The following RC3H1 variants were observed in gnomAD, a reference collection of about 807,000 sequenced individuals.
RC3H1 encodes the protein roquin-1.
Under a neutral mutation model 138.2 loss-of-function variants are expected in RC3H1, and 50 were observed. The observed-to-expected ratio is 0.36, with a 90% CI of 0.29 to 0.46. The LOEUF (loss-of-function observed/expected upper bound fraction) is 0.46, where lower values mean the gene tolerates loss of function less well. Ranked by LOEUF, RC3H1 falls within the 20% of genes least tolerant of loss-of-function variation. The probability of loss-of-function intolerance (pLI) is 1.00; values close to 1 mark genes in which losing one functional copy is unlikely to be tolerated. For missense variants in RC3H1, 1,031 were observed against 1,388.1 expected, an observed-to-expected ratio of 0.74 and a Z score of 4.09; for synonymous variants, 462 against 489.1, an observed-to-expected ratio of 0.94 and a Z score of 0.73.
rs1660504043 is a variant in RC3H1, at chr1:173,974,735, G to C, written c.1103-2108C>G. On this transcript the variant is annotated intron_variant, in intron 7 of 19. Transcript: ENST00000367696. ...TCACATGAGGCCCTATAGATCATGG[G>C]AAGGATACTGGGTTTTACTCTGAGT... 2.0e-5 allele frequency among the ~76,000 whole-genome samples: 3 copies of C among 152,150 alleles called. No homozygotes were observed. The South Asian group carries it at 6.2e-4, about 32-fold the overall frequency.
chr1:173,955,652 T>C (rs114012321), intron 13 of RC3H1, among the ~76,000 whole-genome samples: 3,234 of 152,120 alleles, frequency 0.021, 121 homozygotes, highest in African/African-American at 0.073. Flanking sequence ...AAACACTATG[T>C]CAACAATGTT....
chr1:173,999,921 C>T (rs1304808363), intron 1 of RC3H1, among the ~76,000 whole-genome samples: 1 of 152,202 alleles, frequency 6.6e-6, no homozygotes, highest in African/African-American at 2.4e-5. Context: ...AAGACTCAAA[C>T]TCAGGACAGC....
At chr1:173,984,960 C>A (rs2103017649) in intron 2 of RC3H1, among the ~76,000 whole-genome samples, 1 of 152,292 alleles carries the variant, frequency 6.6e-6, no homozygotes, top group South Asian at 2.1e-4. Context: ...ACCCTTTTAA[C>A]AATTACCCCT....
At position 173,947,351 on chromosome 1, in the gene RC3H1, T is replaced by G; in HGVS notation, c.2737+18A>C. ...AGATTATGAACCCTTTAGGTCAGCT[T>G]ACCTCTGAGATTCTTACCTGAAATG... On this transcript the variant is annotated intron_variant, in intron 15 of 19. Transcript: ENST00000367696. The G allele has an allele frequency of 6.4e-7, 1 of 1,569,886 alleles. No individual in the cohort carries two copies. Among genetic ancestry groups the G allele is most frequent in the Non-Finnish European group, 8.8e-7 (1 of 1,139,930 alleles).
At position 173,965,100 on chromosome 1, in the gene RC3H1, C is replaced by T. The variant is rs768398038; in HGVS notation, c.1355G>A (p.Arg452His). The change falls in exon 10 of 20, where the codon CGC becomes CAC. Residue 452 changes from arginine to histidine, a missense_variant. Arg to His is a conservative substitution (Grantham distance 29, BLOSUM62 0). Around this residue, in one of 7 missense-constraint regions of RC3H1, gnomAD observed 142 missense variants for 224.6 expected, o/e 0.63. Coordinates refer to ENST00000367696, the MANE Select transcript of RC3H1 (RefSeq NM_172071.4). ...ELEKFRKMNK[R>H]LVPRRPLSAS... ...ACTCAAGGGTCTTCTCGGAACCAGGCGCTTATTCATTTTACGAAATCTATA... is the reference window on the plus strand; with the variant it reads ...ACTCAAGGGTCTTCTCGGAACCAGGTGCTTATTCATTTTACGAAATCTATA... 1.8e-5 allele frequency: 29 copies of T among 1,609,512 alleles called. No individual in the cohort carries two copies. The highest frequency in any genetic ancestry group is 1.7e-4 in the Middle Eastern group (1 of 6,024).
chr1:173,992,060 C>T (rs1008746720), intron 2 of RC3H1, among the ~76,000 whole-genome samples: 1 of 152,188 alleles, frequency 6.6e-6, no homozygotes, highest in African/African-American at 2.4e-5. Context: ...CCTGAAGCAG[C>T]TGCACCTTCT....
At chr1:174,008,182 G>A (rs2103085806) in intron 1 of RC3H1, among the ~76,000 whole-genome samples, 1 of 152,172 alleles carries the variant, frequency 6.6e-6, no homozygotes, top group African/African-American at 2.4e-5. Flanking sequence ...TATATATTCT[G>A]ACCTAGAAAT....
chr1:173,993,465 A>G (rs913691951), intron 1 of RC3H1, among the ~76,000 whole-genome samples: 5 of 150,550 alleles, frequency 3.3e-5, no homozygotes, highest in Non-Finnish European at 3.0e-5. Context: ...GCTGGAGTGC[A>G]ATGGTGCAAC....
chr1:173,938,653 G>T lies in RC3H1; in HGVS notation c.*68C>A. 1 of 1,185,194 alleles carries T rather than the reference G, an allele frequency of 8.4e-7. No homozygotes were observed. Among genetic ancestry groups the T allele is most frequent in the Non-Finnish European group, 1.2e-6 (1 of 862,732 alleles). 73.4% of individuals were successfully genotyped at this position (1,185,194 alleles called of 1,614,324 possible). On this transcript the variant is annotated 3_prime_UTR_variant, in exon 20 of 20. Coordinates refer to ENST00000367696, the MANE Select transcript of RC3H1 (RefSeq NM_172071.4). ...TTAAGAGAAAAAGTTTAGAAGTTATGCGTTCTCCTACCCCTATGCCCGACA... is the reference window on the plus strand; with the variant it reads ...TTAAGAGAAAAAGTTTAGAAGTTATTCGTTCTCCTACCCCTATGCCCGACA...
chr1:174,017,874 T>C lies in RC3H1; in HGVS notation c.-151+4222A>G, dbSNP rs578043961. ...TTTTTAGATAAAATGCACTTATAAGTTAAATTATTACCACATGTGCACAGT... is the reference window on the plus strand; with the variant it reads ...TTTTTAGATAAAATGCACTTATAAGCTAAATTATTACCACATGTGCACAGT... On this transcript the variant is annotated intron_variant, in intron 1 of 19. Coordinates refer to ENST00000367696, the MANE Select transcript of RC3H1 (RefSeq NM_172071.4). 8.6e-5 allele frequency among the ~76,000 whole-genome samples: 12 copies of C among 138,730 alleles called. No individual in the cohort carries two copies. The East Asian group carries it at 2.4e-3, about 28-fold the overall frequency. 91.0% of individuals were successfully genotyped at this position (138,730 alleles called of 152,430 possible).
At chr1:174,016,086 A>C (rs1418866607) in intron 1 of RC3H1, 1 of 152,096 alleles carries the variant, frequency 6.6e-6, no homozygotes, top group Non-Finnish European at 1.5e-5. Flanking sequence ...CTGTGATCCC[A>C]GCTACTTGGG....
chr1:173,965,870 G>A (rs1660149741), intron 9 of RC3H1, among the ~76,000 whole-genome samples: 1 of 152,220 alleles, frequency 6.6e-6, no homozygotes, highest in South Asian at 2.1e-4. Flanking sequence ...GCCAGGCACT[G>A]TGGCTCACAC....
chr1:173,987,810 C>T (rs562870624), intron 2 of RC3H1, among the ~76,000 whole-genome samples: 1 of 152,182 alleles, frequency 6.6e-6, no homozygotes, highest in Admixed American at 6.5e-5. Context: ...GTATCCATAT[C>T]AAGCTAAAAA....
At chr1:173,949,433 A>G (rs1659288692) in intron 14 of RC3H1, among the ~76,000 whole-genome samples, 1 of 151,392 alleles carries the variant, frequency 6.6e-6, no homozygotes, top group East Asian at 1.9e-4. Flanking sequence ...CAGTGGCGCA[A>G]TCTCGGTTCA....
In RC3H1 at chr1:173,982,714, T is replaced by C; in HGVS notation, c.768+13A>G. ...TATTTCCTTTCAAGCTGAGCTTTAATGTAGGTTCATACCTTGAAACAGGAG... is the reference window on the plus strand; with the variant it reads ...TATTTCCTTTCAAGCTGAGCTTTAACGTAGGTTCATACCTTGAAACAGGAG... On this transcript the variant is annotated intron_variant, in intron 5 of 19. Coordinates refer to ENST00000367696, the MANE Select transcript of RC3H1 (RefSeq NM_172071.4). 6.4e-7 allele frequency: 1 copy of C among 1,571,862 alleles called. No homozygotes were observed. Among genetic ancestry groups the C allele is most frequent in the South Asian group, 1.2e-5 (1 of 83,680 alleles).
chr1:173,958,301 G>C (rs893848953), intron 13 of RC3H1, among the ~76,000 whole-genome samples: 40 of 152,272 alleles, frequency 2.6e-4, no homozygotes, highest in African/African-American at 9.6e-4. Flanking sequence ...CCAGCACTTT[G>C]GAAGGCCAAG....
chr1:173,960,805 A>G (rs530884738), intron 13 of RC3H1, among the ~76,000 whole-genome samples: 2 of 152,350 alleles, frequency 1.3e-5, no homozygotes, highest in Admixed American at 6.5e-5. Flanking sequence ...TGATTATGAT[A>G]AAGCAGGACA....
intron 9 of RC3H1, among the ~76,000 whole-genome samples, chr1:173,966,498 C>T (rs979838626): frequency 6.6e-6 from 1 of 152,030 alleles, no homozygotes; most frequent in Non-Finnish European, 1.5e-5. Context: ...GGCAGATCAC[C>T]TGAGGTCAGG....
At chr1:173,978,738 C>T in intron 6 of RC3H1, 118 bp from the exon 7 acceptor site, 5 of 1,067,218 alleles carry the variant, frequency 4.7e-6, no homozygotes, top group Non-Finnish European at 6.5e-6. Flanking sequence ...TTCCCATATA[C>T]CCTACACTTT....
Sources: gnomAD v4.1 joint callset for allele counts (sites outside exome capture counted in the v4.1 genomes callset) on GRCh38, gnomAD v4.1.1 for gene constraint, gnomAD v4.1.1 regional missense constraint, MANE v1.5 for transcripts, NCBI Gene and HGNC (gene_info 2026-07-23, HGNC 2026-07-21) for gene names.